The following VCL variants were observed in gnomAD, a reference collection of about 807,000 sequenced individuals.
The protein encoded by VCL is vinculin.
In VCL, 47 loss-of-function variants were observed where a neutral mutation model predicts 125.7. That is an observed-to-expected ratio of 0.37 (90% CI 0.30 to 0.48). The LOEUF (loss-of-function observed/expected upper bound fraction) is 0.48, where lower values mean the gene tolerates loss of function less well. VCL is among the 20% of genes least tolerant of loss of function. VCL has a pLI of 0.99. For synonymous variants in VCL, 458 were observed against 514.6 expected (o/e 0.89, Z 1.49); for missense variants, 1,069 against 1,455.5 (o/e 0.73, Z 4.32).
intron 21 of VCL, among the ~76,000 whole-genome samples, chr10:74,115,182 T>C (rs975053625): frequency 6.6e-6 from 1 of 151,874 alleles, no homozygotes; most frequent in East Asian, 1.9e-4. Flanking sequence ...TAAGCTGTGA[T>C]TGCACCACTG....
At position 74,105,038 on chromosome 10, in the gene VCL, GT is replaced by G; in HGVS notation, c.2132-9del. ...TAAATTGAAACTAAATTCCATTTCT[GT>G]TTTCCTAACAGGGCTGGTGGACGAA... On this transcript the variant is annotated splice_polypyrimidine_tract_variant and intron_variant, in intron 15 of 21. Transcript: ENST00000211998. 6.2e-7 allele frequency: 1 copy of G among 1,614,066 alleles called. No homozygotes were observed. The highest frequency in any genetic ancestry group is 8.5e-7 in the Non-Finnish European group (1 of 1,179,992).
At chr10:74,002,568 A>G (rs781097408) in intron 1 of VCL, among the ~76,000 whole-genome samples, 1 of 151,974 alleles carries the variant, frequency 6.6e-6, no homozygotes, top group Non-Finnish European at 1.5e-5. Flanking sequence ...ATAGGATTTG[A>G]ATATTTAGAG....
At chr10:74,082,670 C>G (rs1485880060) in intron 7 of VCL, 126 bp downstream of exon 7, 2 of 976,530 alleles carry the variant, frequency 2.0e-6, no homozygotes, top group Non-Finnish European at 3.2e-6. Flanking sequence ...GGGGCATACC[C>G]CATTATCTGA....
Position 74,009,216 on chromosome 10 carries a change from TCCCCC to T in VCL, c.168+10851_168+10855del, listed in dbSNP as rs796287389. Among the ~76,000 whole-genome samples, 2 of 49,528 alleles carry T rather than the reference TCCCCC, an allele frequency of 4.0e-5. 1 individual carries two copies. 32.5% of individuals were successfully genotyped at this position (49,528 alleles called of 152,430 possible). On this transcript the variant is annotated intron_variant, in intron 1 of 21. Transcript: ENST00000211998. ...CAAATTGTCTAGGTGGCTGCTGCTTTCCCCCCCCCCCCCCGAGCCATTTTAGTATT... is the reference window on the plus strand; with the variant it reads ...CAAATTGTCTAGGTGGCTGCTGCTTTCCCCCCCCCGAGCCATTTTAGTATT...
chr10:74,018,238 T>G (rs1249260583), intron 1 of VCL, among the ~76,000 whole-genome samples: 2 of 129,508 alleles, frequency 1.5e-5, no homozygotes, highest in Admixed American at 8.6e-5. Context: ...TTATTTTATT[T>G]TATAGAATGG....
intron 1 of VCL, among the ~76,000 whole-genome samples, chr10:74,011,202 C>T (rs1359872001): frequency 1.5e-5 from 2 of 136,470 alleles, no homozygotes; most frequent in African/African-American, 5.4e-5. Flanking sequence ...GACACGGGAT[C>T]AAATAACCAT....
chr10:74,088,952 G>T (rs898914663), intron 8 of VCL, among the ~76,000 whole-genome samples: 4 of 152,296 alleles, frequency 2.6e-5, no homozygotes, highest in Admixed American at 6.5e-5. Context: ...ATCAAAATTT[G>T]CTGGCCTGGT....
intron 2 of VCL, among the ~76,000 whole-genome samples, chr10:74,065,137 C>CTTT (rs756851934): frequency 7.5e-6 from 1 of 133,406 alleles, no homozygotes; most frequent in Admixed American, 7.5e-5. Flanking sequence ...AATCCCAGCA[C>CTTT]TTTTTTTTTT....
intron 1 of VCL, among the ~76,000 whole-genome samples, chr10:74,037,621 C>T (rs1352475179): frequency 2.0e-5 from 3 of 152,148 alleles, no homozygotes; most frequent in Non-Finnish European, 2.9e-5. Context: ...CTGCTGAAGC[C>T]ACACCAGCGT....
chr10:74,009,327 C>T (rs540397644), intron 1 of VCL, among the ~76,000 whole-genome samples: 38 of 150,764 alleles, frequency 2.5e-4, no homozygotes, highest in Middle Eastern at 3.4e-3. Context: ...GGCGCCATCT[C>T]GGCTCACTGC....
intron 14 of VCL, among the ~76,000 whole-genome samples, chr10:74,101,581 C>T (rs924071435): frequency 4.6e-5 from 6 of 131,582 alleles, no homozygotes; most frequent in African/African-American, 1.8e-4. Flanking sequence ...CGGAGTCTCG[C>T]TCTGTCGCCC....
chr10:74,090,635 C>T (rs1839866373), intron 10 of VCL, among the ~76,000 whole-genome samples: 1 of 152,036 alleles, frequency 6.6e-6, no homozygotes, highest in Admixed American at 6.6e-5. Context: ...CCTCCTTCCC[C>T]AGCAATGATA....
intron 6 of VCL, among the ~76,000 whole-genome samples, chr10:74,079,109 C>T (rs550862645): frequency 3.0e-4 from 45 of 152,234 alleles, no homozygotes; most frequent in African/African-American, 1.1e-3. Flanking sequence ...TAGGAAAGCA[C>T]GTACAAATGG....
rs370259996 is a variant in VCL, at chr10:74,043,528, G to T, written c.239+375G>T. On this transcript the variant is annotated intron_variant, in intron 2 of 21. Coordinates refer to ENST00000211998, the MANE Select transcript of VCL (RefSeq NM_014000.3). ...TCCCTGGCTAATCTTTGTATTTTTA[G>T]TAGAGATGGGGTTTCACCATGTTGG... Among the ~76,000 whole-genome samples the T allele has an allele frequency of 2.6e-5, 4 of 151,926 alleles. No homozygotes were observed. In the East Asian group the frequency reaches 5.8e-4, roughly 22 times the overall value.
At chr10:74,017,895 A>AT (rs1840581743) in intron 1 of VCL, among the ~76,000 whole-genome samples, 1 of 151,916 alleles carries the variant, frequency 6.6e-6, no homozygotes, top group Non-Finnish European at 1.5e-5. Flanking sequence ...AAGGTGGCTC[A>AT]TGCCTGTAAT....
chr10:74,119,906 C>CATG lies in VCL; in HGVS notation c.*1738_*1740dup, dbSNP rs1174454319. ...ATTACTTAGAGGAAATAAGAAAAATCATGTTTGCTCTCCCGGTTCTTCCAG... is the reference window on the plus strand; with the variant it reads ...ATTACTTAGAGGAAATAAGAAAAATCATGATGTTTGCTCTCCCGGTTCTTCCAG... On this transcript the variant is annotated 3_prime_UTR_variant, in exon 22 of 22. Coordinates refer to ENST00000211998, the MANE Select transcript of VCL (RefSeq NM_014000.3). 6.6e-6 allele frequency: 1 copy of CATG among 151,942 alleles called. No individual in the cohort carries two copies. Among genetic ancestry groups the CATG allele is most frequent in the African/African-American group, 2.4e-5 (1 of 41,214 alleles). The allele number at this position is 151,942 out of a possible 1,614,324, so 9.4% of individuals were successfully genotyped here.
chr10:74,004,244 GTAAA>G (rs1840278445), intron 1 of VCL, among the ~76,000 whole-genome samples: 1 of 152,144 alleles, frequency 6.6e-6, no homozygotes, highest in South Asian at 2.1e-4. Flanking sequence ...AAAAAATAGA[GTAAA>G]TAAAAAGAAT....
chr10:74,102,159 C>T (rs1244882527), intron 14 of VCL, among the ~76,000 whole-genome samples: 4 of 152,030 alleles, frequency 2.6e-5, no homozygotes, highest in Admixed American at 6.6e-5. Context: ...GCTACTGCGG[C>T]CGGCTTGGAT....
At position 74,119,576 on chromosome 10, in the gene VCL, G is replaced by GTAT. The variant is rs1376692964; in HGVS notation, c.*1409_*1411dup. On this transcript the variant is annotated 3_prime_UTR_variant, in exon 22 of 22. Transcript: ENST00000211998. The stretch of plus-strand genomic sequence containing the variant: ...CCTTTTTGGTACTTATTACTGCTAA[G>GTAT]TATTTCCCAGCACATGAAACCTTAT... The GTAT allele has an allele frequency of 2.0e-5, 3 of 152,188 alleles. No individual in the cohort carries two copies. The highest frequency in any genetic ancestry group is 4.4e-5 in the Non-Finnish European group (3 of 68,042). The allele number at this position is 152,188 out of a possible 1,614,324, so 9.4% of individuals were successfully genotyped here.
Sources: allele counts gnomAD v4.1 joint callset (sites outside exome capture counted in the v4.1 genomes callset), GRCh38; gene constraint gnomAD v4.1.1; transcripts MANE v1.5; gene names NCBI Gene and HGNC (gene_info 2026-07-23, HGNC 2026-07-21).